The following GFPT2 variants were observed in gnomAD, a reference collection of about 807,000 sequenced individuals.
The protein encoded by GFPT2 is glutamine--fructose-6-phosphate transaminase 2.
A neutral mutation model predicts 85.6 loss-of-function variants in GFPT2; 62 were observed. The observed-to-expected ratio is 0.72, with a 90% CI of 0.59 to 0.90. The LOEUF (loss-of-function observed/expected upper bound fraction) is 0.90, where lower values mean the gene tolerates loss of function less well. Among genes scored for constraint, GFPT2 ranks in the 40% least tolerant of loss-of-function variants. The probability of loss-of-function intolerance (pLI) is 0.00; values close to 1 mark genes in which losing one functional copy is unlikely to be tolerated. For missense variants in GFPT2, 788 were observed against 893.4 expected (o/e 0.88, Z 1.50); for synonymous variants, 368 against 344.5 (o/e 1.07, Z -0.75).
In GFPT2 at chr5:180,318,928, T is replaced by C. The variant is rs1295533546; in HGVS notation, c.823A>G (p.Ile275Val). 1 of 1,613,412 alleles carries C rather than the reference T, an allele frequency of 6.2e-7. No individual in the cohort carries two copies. Among genetic ancestry groups the C allele is most frequent in the Non-Finnish European group, 8.5e-7 (1 of 1,180,022 alleles). Residue 275 changes from isoleucine (I) to valine (V), a missense_variant, in exon 10 of 19, where the codon ATC becomes GTC. Ile to Val is a conservative substitution (Grantham distance 29, BLOSUM62 3). Coordinates refer to ENST00000253778, the MANE Select transcript of GFPT2 (RefSeq NM_005110.4). The surrounding 1 kb of genome is among the most constrained non-coding windows in gnomAD (Gnocchi z 4.2). ...SAIIEHTNRV[I>V]FLEDDDIAAV... ...GCGATGTCATCGTCCTCCAGGAAGA[T>C]GACCCGGTTGGTGTGCTCTATGATA...
rs538132121 is a variant in GFPT2, at chr5:180,334,455, A to T, written c.340+1373T>A. On this transcript the variant is annotated intron_variant, in intron 4 of 18. Transcript: ENST00000253778. ...ACCACTGATCAGCAGTGGGTGGGGG[A>T]CACCAAGCAGGCTGGTGCTGCTCTC... Among the ~76,000 whole-genome samples the T allele has an allele frequency of 2.0e-5, 3 of 152,242 alleles. No individual in the cohort carries two copies. The East Asian group carries it at 5.8e-4, about 29-fold the overall frequency.
In GFPT2 at chr5:180,323,917, A is replaced by C. The variant is rs1198644204; in HGVS notation, c.794+271T>G. Among the ~76,000 whole-genome samples the C allele has an allele frequency of 6.6e-6, 1 of 152,250 alleles. No individual in the cohort carries two copies. The highest frequency in any genetic ancestry group is 1.5e-5 in the Non-Finnish European group (1 of 68,046). On this transcript the variant is annotated intron_variant, in intron 9 of 18. Coordinates refer to ENST00000253778, the MANE Select transcript of GFPT2 (RefSeq NM_005110.4). This position sits in a 1 kb window ranked among gnomAD's most constrained non-coding sequence, Gnocchi z 4.0. ...AATCTCCAAATTTTACAACATTGGC[A>C]ACTAACCCATTCATTTTGTGCAGGC...
intron 4 of GFPT2, among the ~76,000 whole-genome samples, chr5:180,332,057 C>T (rs1218069903): frequency 1.3e-5 from 2 of 152,214 alleles, no homozygotes; most frequent in Non-Finnish European, 2.9e-5. Flanking sequence ...ACTTTAAAAT[C>T]CTGGTTTCCT....
At position 180,313,720 on chromosome 5, in the gene GFPT2, G is replaced by T; in HGVS notation, c.1431+87C>A. 6 of 1,181,152 alleles carry T rather than the reference G, an allele frequency of 5.1e-6. No homozygotes were observed. In the South Asian group the frequency reaches 9.2e-5, roughly 18 times the overall value. 73.2% of individuals were successfully genotyped at this position (1,181,152 alleles called of 1,614,324 possible). ...GAAGGGGAAAGAAAGGCGGTGGCGC[G>T]GGCAGAGCAGGCCGGAGGAGGGCGG... On this transcript the variant is annotated intron_variant, in intron 14 of 18. Transcript: ENST00000253778.
At position 180,331,548 on chromosome 5, in the gene GFPT2, C is replaced by T; in HGVS notation, c.346G>A (p.Val116Ile). 6.4e-7 allele frequency: 1 copy of T among 1,572,984 alleles called. No homozygotes were observed. The highest frequency in any genetic ancestry group is 8.8e-7 in the Non-Finnish European group (1 of 1,142,446). The change falls in exon 5 of 19, where the codon GTT (valine) becomes ATT (isoleucine). Residue 116 changes from valine (V) to isoleucine (I), a missense_variant. Transcript: ENST00000253778. ...GTGATGATCCCATTGTGGATGACAA[C>T]AAATTCTGAAAGAAAAGTTAAGAGA... ...PQRSDKGNEF[V>I]VIHNGIITNY...
rs376493168 is a variant in GFPT2 at position 180,335,948 on chromosome 5, C to T, written c.220G>A (p.Asp74Asn). ...AACTCCACTTTTAAGTCCATGCTGTCTTGTTCTAAATGAAAGGAAAATCAG... is the reference window on the plus strand; with the variant it reads ...AACTCCACTTTTAAGTCCATGCTGTTTTGTTCTAAATGAAAGGAAAATCAG... ...KALDEELYKQ[D>N]SMDLKVEFET... Residue 74 changes from aspartate to asparagine, a missense_variant, in exon 4 of 19, where the codon GAC (aspartate) becomes AAC (asparagine). Coordinates refer to ENST00000253778, the MANE Select transcript of GFPT2 (RefSeq NM_005110.4). 1 of 1,568,320 alleles carries T rather than the reference C, an allele frequency of 6.4e-7. No individual in the cohort carries two copies.
chr5:180,323,843 G>A lies in GFPT2; in HGVS notation c.794+345C>T, dbSNP rs1202097872. 7.9e-5 allele frequency among the ~76,000 whole-genome samples: 12 copies of A among 152,198 alleles called. No individual in the cohort carries two copies. The highest frequency in any genetic ancestry group is 2.4e-4 in the African/African-American group (10 of 41,460). On this transcript the variant is annotated intron_variant, in intron 9 of 18. Transcript: ENST00000253778. This position sits in a 1 kb window ranked among gnomAD's most constrained non-coding sequence, Gnocchi z 4.0. ...GAGAGAGGGCTGCACAGCATGCCCC[G>A]ATCTGCTAGTTCTTCCAGAGAAGCT...
At chr5:180,313,359 A>C (rs559277651) in intron 14 of GFPT2, among the ~76,000 whole-genome samples, 30 of 151,490 alleles carry the variant, frequency 2.0e-4, no homozygotes, top group African/African-American at 6.8e-4. Flanking sequence ...TGGGAGGCCG[A>C]GGCGGGCGGA....
chr5:180,311,755 C>T (rs967013767), intron 15 of GFPT2, among the ~76,000 whole-genome samples: 2 of 152,088 alleles, frequency 1.3e-5, no homozygotes, highest in Non-Finnish European at 2.9e-5. Flanking sequence ...AAAAAATAAA[C>T]AGGCTAATGT....
At chr5:180,319,945 A>G (rs1278523456) in intron 9 of GFPT2, among the ~76,000 whole-genome samples, 1 of 152,154 alleles carries the variant, frequency 6.6e-6, no homozygotes, top group Non-Finnish European at 1.5e-5. Flanking sequence ...GAGCCCTAAA[A>G]GTAGTCTACA....
At chr5:180,308,106 A>C (rs774509519) in intron 15 of GFPT2, among the ~76,000 whole-genome samples, 68 of 152,094 alleles carry the variant, frequency 4.5e-4, no homozygotes, top group Non-Finnish European at 8.5e-4. Context: ...AATACAAAAA[A>C]TTAGCCGGGC....
chr5:180,302,097 C>T (rs1381345417), intron 18 of GFPT2, among the ~76,000 whole-genome samples: 2 of 78,828 alleles, frequency 2.5e-5, no homozygotes, highest in Non-Finnish European at 5.9e-5. Flanking sequence ...GTCATCCTGG[C>T]TAACACGGTG....
Position 180,317,003 on chromosome 5 carries a change from G to A in GFPT2, c.1014C>T (p.Phe338=). Reference sequence around the variant, plus strand: ...AATTCACCCGACCTCTCATAGTATTGAAAACTGATTCTGGCTGTTCGAAGA... The same window carrying A: ...AATTCACCCGACCTCTCATAGTATTAAAAACTGATTCTGGCTGTTCGAAGA... ...KEIFEQPESV[F]NTMRGRVNFE... is the part of the protein sequence containing the mutation. Residue 338 remains phenylalanine (F), a synonymous_variant, in exon 11 of 19, where the codon TTC becomes TTT. Transcript: ENST00000253778. 3.1e-6 allele frequency: 5 copies of A among 1,612,208 alleles called. No homozygotes were observed. Among genetic ancestry groups the A allele is most frequent in the Non-Finnish European group, 4.2e-6 (5 of 1,178,294 alleles).
chr5:180,304,725 G>A, intron 17 of GFPT2, 47 bp downstream of exon 17: 1 of 1,542,346 alleles, frequency 6.5e-7, no homozygotes, highest in Non-Finnish European at 8.9e-7. Context: ...GGGCATGCAT[G>A]GGGAAAAGCA....
At chr5:180,304,721 G>A (rs1240031723) in intron 17 of GFPT2, 51 bp downstream of exon 17, 1 of 1,511,178 alleles carries the variant, frequency 6.6e-7, no homozygotes, top group South Asian at 1.2e-5. Flanking sequence ...AGGTGGGCAT[G>A]CATGGGGAAA....
intron 9 of GFPT2, among the ~76,000 whole-genome samples, chr5:180,321,452 C>CAGA (rs1398747005): frequency 6.6e-6 from 1 of 152,250 alleles, no homozygotes; most frequent in Non-Finnish European, 1.5e-5. Flanking sequence ...ACTTGCCAGA[C>CAGA]CTGTGCCCGT....
chr5:180,319,396 C>T (rs532186518), intron 9 of GFPT2, among the ~76,000 whole-genome samples: 3 of 152,334 alleles, frequency 2.0e-5, no homozygotes, highest in South Asian at 4.1e-4. Flanking sequence ...AGAACCAACA[C>T]ATTATTCTGA....
chr5:180,315,630 G>A (rs1220264558), intron 13 of GFPT2, among the ~76,000 whole-genome samples: 1 of 152,198 alleles, frequency 6.6e-6, no homozygotes, highest in East Asian at 1.9e-4. Context: ...GGCTGGATAA[G>A]GCTAGGATAT....
At position 180,324,764 on chromosome 5, in the gene GFPT2, A is replaced by G. The variant is rs1764181405; in HGVS notation, c.676+52T>C. ...GCTGACTGTGCCAGAGCAGCTGCCG[A>G]GTCCTGCGACACCAGCAGCTGTGCT... On this transcript the variant is annotated intron_variant, in intron 8 of 18. Transcript: ENST00000253778. 11 of 1,181,466 alleles carry G rather than the reference A, an allele frequency of 9.3e-6. No homozygotes were observed. The East Asian group carries it at 2.6e-4, about 28-fold the overall frequency. 73.2% of individuals were successfully genotyped at this position (1,181,466 alleles called of 1,614,324 possible). A position where few individuals can be genotyped will look rare whatever the true frequency, so the allele number is the denominator to read the frequency against.
Sources: gnomAD v4.1 joint callset for allele counts (sites outside exome capture counted in the v4.1 genomes callset) on GRCh38, gnomAD v4.1.1 for gene constraint, Gnocchi (gnomAD v3.1) non-coding constraint, MANE v1.5 for transcripts, NCBI Gene and HGNC (gene_info 2026-07-23, HGNC 2026-07-21) for gene names.